Variants in BTK observed in about 807,000 individuals in gnomAD.
BTK encodes the protein Bruton tyrosine kinase.
A neutral mutation model predicts 57.4 loss-of-function variants in BTK; 5 were observed. The observed-to-expected ratio is 0.09, with a 90% CI of 0.05 to 0.18. BTK has a LOEUF of 0.18. BTK is among the 10% of genes least tolerant of loss of function. The probability of loss-of-function intolerance (pLI) is 1.00; values close to 1 mark genes in which losing one functional copy is unlikely to be tolerated. For synonymous variants in BTK, 154 were observed against 174.3 expected, an observed-to-expected ratio of 0.88 and a Z score of 0.92; for missense variants, 194 against 501.2, an observed-to-expected ratio of 0.39 and a Z score of 5.85.
At chrX:101,390,681 A>C, upstream of BTK, 1 of 468,338 alleles carries the variant, frequency 2.1e-6, no homozygotes, top group Non-Finnish European at 3.8e-6. Context: ...CCTTCATTCG[A>C]CCCTAGTCCT....
At chrX:101,357,730 A>G in intron 12 of BTK, 147 bp from the exon 13 acceptor site, 1 of 540,212 alleles carries the variant, frequency 1.9e-6, no homozygotes, top group Non-Finnish European at 3.3e-6. Flanking sequence ...ACATATTTCC[A>G]GAGGTTTCTC....
At chrX:101,356,557 A>G in intron 14 of BTK, 1 of 453,920 alleles carries the variant, frequency 2.2e-6, no homozygotes, top group East Asian at 3.7e-5. Context: ...CTACCCCCAA[A>G]TGCTACTGAG....
chrX:101,387,659 G>A (rs1444952726), upstream of BTK, among the ~76,000 whole-genome samples: 6 of 110,358 alleles, frequency 5.4e-5, no homozygotes, highest in Non-Finnish European at 1.1e-4. Context: ...GCCATCAACA[G>A]GACTTTAAAT....
chrX:101,370,931 A>C (rs185573562), intron 4 of BTK, among the ~76,000 whole-genome samples: 1 of 112,710 alleles, frequency 8.9e-6, no homozygotes, highest in East Asian at 2.8e-4. Flanking sequence ...AATTTGATAT[A>C]GTCAGGGACA....
At chrX:101,353,398 T>C in intron 17 of BTK, 47 bp from the exon 18 acceptor site, 1 of 1,117,677 alleles carries the variant, frequency 8.9e-7, no homozygotes, top group South Asian at 1.8e-5. Context: ...TCTTTTTGGA[T>C]AGCAGGGGTC....
intron 5 of BTK, among the ~76,000 whole-genome samples, chrX:101,363,655 G>A (rs1228957710): frequency 7.6e-5 from 8 of 105,513 alleles, no homozygotes; most frequent in African/African-American, 2.4e-4. Context: ...GCAGTGAGCC[G>A]AGATCGCGCC....
chrX:101,387,889 C>T (rs1166633393), upstream of BTK, among the ~76,000 whole-genome samples: 1 of 103,226 alleles, frequency 9.7e-6, no homozygotes, highest in Non-Finnish European at 2.0e-5. Flanking sequence ...TTTTTTGAGA[C>T]GGAGTCTTGC....
chrX:101,352,557 G>A lies in BTK; in HGVS notation c.1908+637C>T, dbSNP rs571732154. Reference sequence around the variant, plus strand: ...AGGTGGGCGGATCACTTGAGGCCAGGAGTTCGAGATCAGCCTGGTCAACAT... The same window carrying A: ...AGGTGGGCGGATCACTTGAGGCCAGAAGTTCGAGATCAGCCTGGTCAACAT... On this transcript the variant is annotated intron_variant, in intron 18 of 18. Coordinates refer to ENST00000308731, the MANE Select transcript of BTK (RefSeq NM_000061.3). Among the ~76,000 whole-genome samples the A allele has an allele frequency of 3.5e-3, 389 of 111,895 alleles. 1 individual carries two copies. The highest frequency in any genetic ancestry group is 0.018 in the Middle Eastern group (4 of 217).
intron 17 of BTK, 126 bp downstream of exon 17, chrX:101,353,744 G>T: frequency 1.6e-6 from 1 of 641,705 alleles, no homozygotes; most frequent in Non-Finnish European, 2.6e-6. Flanking sequence ...CACACAGTAA[G>T]CACTCCCCAA....
At chrX:101,362,853 T>C in intron 5 of BTK, 164 bp from the exon 6 acceptor site, 1 of 641,538 alleles carries the variant, frequency 1.6e-6, no homozygotes, top group Admixed American at 2.5e-5. Context: ...ATGACTGGCC[T>C]GCCTGACTGT....
chrX:101,378,003 GT>G (rs1254738248), intron 1 of BTK: 1 of 105,910 alleles, frequency 9.4e-6, no homozygotes, highest in African/African-American at 3.6e-5. Context: ...CCTCCAGAAG[GT>G]TGGTGTGTAA....
Position 101,356,545 on chromosome X carries a change from A to G in BTK, c.1349+239T>C, listed in dbSNP as rs1323748257. 8.9e-6 allele frequency: 4 copies of G among 450,975 alleles called. No homozygotes were observed. In the East Asian group the frequency reaches 1.5e-4, roughly 17 times the overall value. The allele number at this position is 450,975 out of a possible 1,213,427, so 37.2% of individuals were successfully genotyped here. On this transcript the variant is annotated intron_variant, in intron 14 of 18. Coordinates refer to ENST00000308731, the MANE Select transcript of BTK (RefSeq NM_000061.3). Reference sequence around the variant, plus strand: ...TTCTCTTGAAAGTTTAATTTTCTACATCTACCCCCAAATGCTACTGAGATG... The same window carrying G: ...TTCTCTTGAAAGTTTAATTTTCTACGTCTACCCCCAAATGCTACTGAGATG...
intron 4 of BTK, among the ~76,000 whole-genome samples, chrX:101,370,363 C>T (rs905412787): frequency 2.7e-5 from 3 of 111,805 alleles, no homozygotes; most frequent in Non-Finnish European, 5.6e-5. Context: ...TATAAGGTCT[C>T]CGTCTGCCCT....
At chrX:101,355,731 G>A (rs1324429022) in intron 15 of BTK, 3 of 334,403 alleles carry the variant, frequency 9.0e-6, no homozygotes, top group Admixed American at 9.3e-5. Flanking sequence ...CATGCCAGGA[G>A]CAGTCCCATT....
intron 4 of BTK, 126 bp downstream of exon 4, chrX:101,371,507 G>T: frequency 1.7e-6 from 1 of 605,826 alleles, no homozygotes; most frequent in East Asian, 3.3e-5. Context: ...TCTTGGTTCA[G>T]CATCCTTGTC....
chrX:101,372,688 G>C (rs905755684), intron 3 of BTK, among the ~76,000 whole-genome samples: 1 of 108,319 alleles, frequency 9.2e-6, no homozygotes, highest in Non-Finnish European at 1.9e-5. Flanking sequence ...CTCATGATCC[G>C]CCTGCCTTGG....
At chrX:101,379,031 G>A (rs1182327668) in intron 1 of BTK, among the ~76,000 whole-genome samples, 2 of 108,798 alleles carry the variant, frequency 1.8e-5, no homozygotes, top group Non-Finnish European at 3.8e-5. Flanking sequence ...AAAATTAGCC[G>A]GGCGTGGTGA....
chrX:101,367,314 C>A (rs1037066932), intron 5 of BTK, among the ~76,000 whole-genome samples: 31 of 109,437 alleles, frequency 2.8e-4, no homozygotes, highest in African/African-American at 9.3e-4. Context: ...TCGGTCATTA[C>A]TCACCCTTAA....
chrX:101,373,326 T>C (rs1555980639), intron 3 of BTK, among the ~76,000 whole-genome samples: 1 of 112,136 alleles, frequency 8.9e-6, no homozygotes, highest in African/African-American at 3.2e-5. Context: ...TATGCAAGAT[T>C]GTTCCTCTCA....
Sources: allele counts gnomAD v4.1 joint callset (sites outside exome capture counted in the v4.1 genomes callset), GRCh38; gene constraint gnomAD v4.1.1; transcripts MANE v1.5; gene names NCBI Gene and HGNC (gene_info 2026-07-23, HGNC 2026-07-21).